Variants in RHOQ observed in about 807,000 individuals in gnomAD.
RHOQ encodes ras homolog family member Q, also known as rho-related GTP-binding protein RhoQ.
RHOQ carries 7 observed loss-of-function variants against 25.8 expected under a neutral mutation model. The observed-to-expected ratio is 0.27, with a 90% confidence interval of 0.15 to 0.51. The LOEUF (loss-of-function observed/expected upper bound fraction) is 0.51. Among genes scored for constraint, RHOQ ranks in the 20% least tolerant of loss-of-function variants. The probability of loss-of-function intolerance (pLI) is 0.97; values close to 1 mark genes in which losing one functional copy is unlikely to be tolerated. For synonymous variants in RHOQ, 97 were observed against 98.6 expected (o/e 0.98, Z 0.10); for missense variants, 165 against 260.6 (o/e 0.63, Z 2.53).
At chr2:46,580,749 A>C (rs1669333651) in intron 4 of RHOQ, 179 bp from the exon 5 acceptor site, 3 of 435,522 alleles carry the variant, frequency 6.9e-6, no homozygotes, top group African/African-American at 6.1e-5. Flanking sequence ...TTTTCATAGA[A>C]AGTCTGGAAG....
chr2:46,577,841 A>G (rs146559342), intron 4 of RHOQ, among the ~76,000 whole-genome samples: 50 of 152,248 alleles, frequency 3.3e-4, no homozygotes, highest in African/African-American at 1.1e-3. Context: ...AATTCCATGT[A>G]TTCAGTTTTG....
Position 46,576,066 on chromosome 2 carries a change from A to G in RHOQ, c.202-21A>G. 6.4e-7 allele frequency: 1 copy of G among 1,573,334 alleles called. No homozygotes were observed. Among genetic ancestry groups the G allele is most frequent in the Non-Finnish European group, 8.6e-7 (1 of 1,163,600 alleles). ...ACAATAGAAATGTAAATACATAATG[A>G]GGCTTTTCTTTGTTCCTCAGGAAGA... On this transcript the variant is annotated intron_variant, in intron 2 of 4. Coordinates refer to ENST00000238738, the MANE Select transcript of RHOQ (RefSeq NM_012249.4). This position sits in a 1 kb window ranked among gnomAD's most constrained non-coding sequence, Gnocchi z 5.1.
rs1224198264 is a variant in RHOQ, at chr2:46,542,612, G to A, written c.-435G>A. On this transcript the variant is annotated 5_prime_UTR_variant, in exon 1 of 5. Transcript: ENST00000238738. ...GGGCCGCGCTCGGGGAGGCGCCTGG[G>A]CCCGCCCTCCTCCGGGGCGCCGCGG... The A allele has an allele frequency of 6.8e-6, 1 of 146,544 alleles. No homozygotes were observed. Among genetic ancestry groups the A allele is most frequent in the Non-Finnish European group, 1.5e-5 (1 of 65,904 alleles). 9.1% of individuals were successfully genotyped at this position (146,544 alleles called of 1,614,324 possible). A position where few individuals can be genotyped will look rare whatever the true frequency, so the allele number is the denominator to read the frequency against.
chr2:46,573,218 C>T (rs1668994333), intron 2 of RHOQ, among the ~76,000 whole-genome samples: 1 of 152,124 alleles, frequency 6.6e-6, no homozygotes, highest in Non-Finnish European at 1.5e-5. Context: ...TGTGCACCAC[C>T]ACGGCCAGAT....
chr2:46,567,894 C>CAA (rs1448273858), intron 2 of RHOQ, among the ~76,000 whole-genome samples: 1 of 144,560 alleles, frequency 6.9e-6, no homozygotes, highest in African/African-American at 2.5e-5. Flanking sequence ...CCTGTCTCTA[C>CAA]AAAAAAAAAA....
At chr2:46,545,670 G>C (rs1409561459) in intron 2 of RHOQ, among the ~76,000 whole-genome samples, 1 of 152,172 alleles carries the variant, frequency 6.6e-6, no homozygotes. Context: ...GTCTGAATCT[G>C]CTCCAGTTTG....
In RHOQ at chr2:46,581,669, C is replaced by G; in HGVS notation, c.*586C>G. On this transcript the variant is annotated 3_prime_UTR_variant, in exon 5 of 5. Transcript: ENST00000238738. ...GAGCACAAGTGTAACCTAAATATTT[C>G]TATATTAAAGCTTAATGTGCTTTCT... 1.3e-6 allele frequency: 2 copies of G among 1,520,570 alleles called. No homozygotes were observed. The highest frequency in any genetic ancestry group is 1.8e-6 in the Non-Finnish European group (2 of 1,127,982). The allele number at this position is 1,520,570 out of a possible 1,614,324, so 94.2% of individuals were successfully genotyped here. A position where few individuals can be genotyped will look rare whatever the true frequency, so the allele number is the denominator to read the frequency against.
chr2:46,578,902 G>A (rs922187459), intron 4 of RHOQ, among the ~76,000 whole-genome samples: 19 of 151,008 alleles, frequency 1.3e-4, no homozygotes, highest in African/African-American at 4.6e-4. Flanking sequence ...ACTCGTGTGT[G>A]TGTGTGTATA....
At chr2:46,575,437 A>ACACC in intron 2 of RHOQ, among the ~76,000 whole-genome samples, 1 of 149,854 alleles carries the variant, frequency 6.7e-6, no homozygotes, top group Admixed American at 6.6e-5. Flanking sequence ...ACACACACAC[A>ACACC]CACACAATTA....
In RHOQ at chr2:46,578,459, C is replaced by T. The variant is rs1010220372; in HGVS notation, c.462+1803C>T. Among the ~76,000 whole-genome samples, 22 of 150,650 alleles carry T rather than the reference C, an allele frequency of 1.5e-4. No individual in the cohort carries two copies. In the South Asian group the frequency reaches 4.2e-3, roughly 29 times the overall value. On this transcript the variant is annotated intron_variant, in intron 4 of 4. Coordinates refer to ENST00000238738, the MANE Select transcript of RHOQ (RefSeq NM_012249.4). Reference sequence around the variant, plus strand: ...CAGTTAATAATGGTGGTGCTGGGCACGGTGGCTCACACCTGTAATCCCCGC... The same window carrying T: ...CAGTTAATAATGGTGGTGCTGGGCATGGTGGCTCACACCTGTAATCCCCGC...
At position 46,566,728 on chromosome 2, in the gene RHOQ, T is replaced by C. The variant is rs1024410656; in HGVS notation, c.202-9359T>C. On this transcript the variant is annotated intron_variant, in intron 2 of 4. Transcript: ENST00000238738. This position sits in a 1 kb window ranked among gnomAD's most constrained non-coding sequence, Gnocchi z 4.2. Reference sequence around the variant, plus strand: ...CCCCACCTGTCACCTGGCCTTTCCCTGTGGTCTTCAGTATGTCAGGGCTTT... The same window carrying C: ...CCCCACCTGTCACCTGGCCTTTCCCCGTGGTCTTCAGTATGTCAGGGCTTT... Among the ~76,000 whole-genome samples, 11 of 152,190 alleles carry C rather than the reference T, an allele frequency of 7.2e-5. No individual in the cohort carries two copies. Among genetic ancestry groups the C allele is most frequent in the Non-Finnish European group, 7.4e-5 (5 of 68,018 alleles).
chr2:46,552,492 T>C lies in RHOQ; in HGVS notation c.201+8680T>C, dbSNP rs1668274671. ...CTTTCTCCCTTCAAGGATTTTCTTA[T>C]TCAGGGGAAGCCTACCTCTGCAAAA... On this transcript the variant is annotated intron_variant, in intron 2 of 4. Coordinates refer to ENST00000238738, the MANE Select transcript of RHOQ (RefSeq NM_012249.4). The surrounding 1 kb of genome is among the most constrained non-coding windows in gnomAD (Gnocchi z 5.0). Among the ~76,000 whole-genome samples, 1 of 152,240 alleles carries C rather than the reference T, an allele frequency of 6.6e-6. No homozygotes were observed. The highest frequency in any genetic ancestry group is 2.4e-5 in the African/African-American group (1 of 41,462).
intron 2 of RHOQ, among the ~76,000 whole-genome samples, chr2:46,570,521 AGTTAGAT>A (rs1173926703): frequency 6.6e-6 from 1 of 152,202 alleles, no homozygotes; most frequent in East Asian, 1.9e-4. Context: ...GTGATATATA[AGTTAGAT>A]GTAGGAGAAA....
chr2:46,572,767 G>C (rs1186812348), intron 2 of RHOQ: 1 of 453,718 alleles, frequency 2.2e-6, no homozygotes, highest in Non-Finnish European at 4.4e-6. Flanking sequence ...TTGTGACTTT[G>C]ATAAGTCGAT....
At chr2:46,573,802 C>G (rs1184670473) in intron 2 of RHOQ, among the ~76,000 whole-genome samples, 1 of 152,226 alleles carries the variant, frequency 6.6e-6, no homozygotes, top group East Asian at 1.9e-4. Flanking sequence ...ATTAAAATCT[C>G]TAATTTGGCT....
intron 2 of RHOQ, among the ~76,000 whole-genome samples, chr2:46,560,973 CAT>C (rs1446201215): frequency 2.0e-5 from 3 of 151,084 alleles, no homozygotes; most frequent in Non-Finnish European, 4.4e-5. Flanking sequence ...ATCTCAAATG[CAT>C]AGAGTGTCCT....
chr2:46,570,432 C>T (rs936021760), intron 2 of RHOQ, among the ~76,000 whole-genome samples: 14 of 150,598 alleles, frequency 9.3e-5, no homozygotes, highest in African/African-American at 3.2e-4. Context: ...AAGAGTGAGA[C>T]TTCATCTCAA....
Position 46,543,194 on chromosome 2 carries a change from C to G in RHOQ, c.142+6C>G. On this transcript the variant is annotated splice_donor_region_variant and intron_variant, in intron 1 of 4. Transcript: ENST00000238738. ...CGTCTTCGACCACTACGCAGGTAAG[C>G]CTCGGAACTGCTGACTAAGGGGCCG... 6.2e-7 allele frequency: 1 copy of G among 1,611,784 alleles called. No individual in the cohort carries two copies. The highest frequency in any genetic ancestry group is 8.5e-7 in the Non-Finnish European group (1 of 1,179,206).
chr2:46,562,361 A>G (rs1035921935), intron 2 of RHOQ, among the ~76,000 whole-genome samples: 1 of 152,156 alleles, frequency 6.6e-6, no homozygotes, highest in African/African-American at 2.4e-5. Flanking sequence ...AAAAGAGAAT[A>G]GATACTTGAA....
Sources: allele counts gnomAD v4.1 joint callset (sites outside exome capture counted in the v4.1 genomes callset), GRCh38; gene constraint gnomAD v4.1.1; non-coding constraint Gnocchi (gnomAD v3.1); transcripts MANE v1.5; gene names NCBI Gene and HGNC (gene_info 2026-07-23, HGNC 2026-07-21).